Variants in FBXL7 observed in about 807,000 individuals in gnomAD.
FBXL7 encodes the protein F-box/LRR-repeat protein 7.
In FBXL7, 12 loss-of-function variants were observed where a neutral mutation model predicts 38.3. That is an observed-to-expected ratio of 0.31 (90% CI 0.20 to 0.51). The LOEUF is 0.51. FBXL7 is among the 20% of genes least tolerant of loss of function. The probability of loss-of-function intolerance (pLI) is 0.98; values close to 1 mark genes in which losing one functional copy is unlikely to be tolerated. For missense variants in FBXL7, 567 were observed against 676.4 expected, an observed-to-expected ratio of 0.84 and a Z score of 1.79; for synonymous variants, 297 against 300.9, an observed-to-expected ratio of 0.99 and a Z score of 0.13.
intron 2 of FBXL7, among the ~76,000 whole-genome samples, chr5:15,745,404 C>G (rs1282830726): frequency 6.6e-6 from 1 of 152,128 alleles, no homozygotes; most frequent in Admixed American, 6.6e-5. Context: ...GTGAGAAAAT[C>G]AGATAACAGG....
chr5:15,559,797 T>C (rs1172515605), intron 1 of FBXL7, among the ~76,000 whole-genome samples: 2 of 152,322 alleles, frequency 1.3e-5, no homozygotes, highest in East Asian at 3.9e-4. Context: ...GATTACGCAT[T>C]GATGTTAAGA....
intron 2 of FBXL7, among the ~76,000 whole-genome samples, chr5:15,866,669 C>A (rs1436843455): frequency 6.8e-6 from 1 of 148,080 alleles, no homozygotes. Context: ...CCTCACCCCC[C>A]ACCCCCCAAC....
At chr5:15,602,379 G>C (rs971304017) in intron 1 of FBXL7, 1 of 82,488 alleles carries the variant, frequency 1.2e-5, no homozygotes, top group Non-Finnish European at 3.4e-5. Flanking sequence ...AGGGGATAGT[G>C]CTTATTAGAA....
At chr5:15,865,568 T>C (rs1407004483) in intron 2 of FBXL7, among the ~76,000 whole-genome samples, 1 of 152,136 alleles carries the variant, frequency 6.6e-6, no homozygotes, top group African/African-American at 2.4e-5. Flanking sequence ...GACAAGCCTC[T>C]CACTCTTAGC....
chr5:15,531,445 A>T (rs536029986), intron 1 of FBXL7, among the ~76,000 whole-genome samples: 1 of 152,246 alleles, frequency 6.6e-6, no homozygotes, highest in Non-Finnish European at 1.5e-5. Context: ...TACATGAAAG[A>T]CAACTCTAAA....
In FBXL7 at chr5:15,558,268, C is replaced by T. The variant is rs375463193; in HGVS notation, c.37+57555C>T. Among the ~76,000 whole-genome samples the T allele has an allele frequency of 3.9e-5, 6 of 152,342 alleles. No homozygotes were observed. The South Asian group carries it at 1.2e-3, about 32-fold the overall frequency. ...CAGCACCATGCACGGTTTGCAGGGC[C>T]TTAGCTGTTCTCCTTTGGAGCCAGA... On this transcript the variant is annotated intron_variant, in intron 1 of 3. Transcript: ENST00000504595.
chr5:15,872,964 T>G (rs1026419300), intron 2 of FBXL7, among the ~76,000 whole-genome samples: 3 of 152,098 alleles, frequency 2.0e-5, no homozygotes, highest in African/African-American at 7.2e-5. Context: ...CCACCCCAAA[T>G]CAACAGAATA....
chr5:15,912,402 A>C lies in FBXL7; in HGVS notation c.128-15488A>C, dbSNP rs1214269781. On this transcript the variant is annotated intron_variant, in intron 2 of 3. Transcript: ENST00000504595. ...TTCGGCTCGCGCACGGTGCGCACAC[A>C]CACTGGCCTGCGCCCACTGTCTGGC... 7.1e-5 allele frequency among the ~76,000 whole-genome samples: 10 copies of C among 140,876 alleles called. No homozygotes were observed. In the South Asian group the frequency reaches 1.2e-3, roughly 17 times the overall value. 92.4% of individuals were successfully genotyped at this position (140,876 alleles called of 152,430 possible). A position where few individuals can be genotyped will look rare whatever the true frequency, so the allele number is the denominator to read the frequency against.
intron 1 of FBXL7, among the ~76,000 whole-genome samples, chr5:15,534,617 TA>T (rs1737526849): frequency 6.6e-6 from 1 of 152,258 alleles, no homozygotes; most frequent in South Asian, 2.1e-4. Flanking sequence ...AAAGCAGTTA[TA>T]AAATCTGTGT....
At chr5:15,904,673 C>T (rs139439844) in intron 2 of FBXL7, among the ~76,000 whole-genome samples, 51 of 152,084 alleles carry the variant, frequency 3.4e-4, no homozygotes, top group African/African-American at 1.1e-3. Flanking sequence ...CTAAATTTTT[C>T]CCTAAAAAAA....
At chr5:15,613,273 A>T (rs772648852) in intron 1 of FBXL7, among the ~76,000 whole-genome samples, 13 of 152,200 alleles carry the variant, frequency 8.5e-5, no homozygotes, top group Non-Finnish European at 1.9e-4. Context: ...CTGCAGAGTG[A>T]GAAGTGAATG....
At chr5:15,738,097 ACACATTC>A (rs1299103213) in intron 2 of FBXL7, among the ~76,000 whole-genome samples, 1 of 152,168 alleles carries the variant, frequency 6.6e-6, no homozygotes, top group African/African-American at 2.4e-5. Flanking sequence ...GCACCGTAGA[ACACATTC>A]TACGAGGGAG....
intron 2 of FBXL7, among the ~76,000 whole-genome samples, chr5:15,707,252 C>T (rs1185676789): frequency 7.3e-6 from 1 of 137,308 alleles, no homozygotes; most frequent in Non-Finnish European, 1.5e-5. Flanking sequence ...ATGGTTACTC[C>T]ATAGTCAGAA....
At chr5:15,731,034 C>T (rs555079708) in intron 2 of FBXL7, among the ~76,000 whole-genome samples, 7 of 152,298 alleles carry the variant, frequency 4.6e-5, no homozygotes, top group African/African-American at 1.7e-4. Context: ...CCTATTTTTA[C>T]TGCAACTGGG....
intron 2 of FBXL7, among the ~76,000 whole-genome samples, chr5:15,638,408 C>T (rs1478395494): frequency 6.6e-6 from 1 of 152,192 alleles, no homozygotes; most frequent in East Asian, 1.9e-4. Flanking sequence ...TCAGCAGCAT[C>T]CCATCCCTAG....
intron 1 of FBXL7, among the ~76,000 whole-genome samples, chr5:15,591,709 A>AT (rs917840316): frequency 6.6e-6 from 1 of 151,744 alleles, no homozygotes; most frequent in African/African-American, 2.4e-5. Flanking sequence ...TTGGCCTCTT[A>AT]TTATTTATTT....
At chr5:15,706,783 T>C (rs1480085470) in intron 2 of FBXL7, among the ~76,000 whole-genome samples, 1 of 152,190 alleles carries the variant, frequency 6.6e-6, no homozygotes, top group Non-Finnish European at 1.5e-5. Flanking sequence ...TGGATAGTAC[T>C]GCTTTTTACC....
chr5:15,572,060 C>T (rs1274220379), intron 1 of FBXL7, among the ~76,000 whole-genome samples: 2 of 152,104 alleles, frequency 1.3e-5, no homozygotes, highest in African/African-American at 2.4e-5. Flanking sequence ...TTGTAAAAGA[C>T]ATCCACTGGG....
chr5:15,760,817 T>C (rs1736421551), intron 2 of FBXL7, among the ~76,000 whole-genome samples: 3 of 152,124 alleles, frequency 2.0e-5, no homozygotes, highest in African/African-American at 4.8e-5. Context: ...AACTCTTAAG[T>C]CATTGATTAT....
Sources: gnomAD v4.1 joint callset for allele counts (sites outside exome capture counted in the v4.1 genomes callset) on GRCh38, gnomAD v4.1.1 for gene constraint, MANE v1.5 for transcripts, NCBI Gene and HGNC (gene_info 2026-07-23, HGNC 2026-07-21) for gene names.